Variants in CYP2C19 observed in about 807,000 individuals in gnomAD.
CYP2C19 encodes the protein cytochrome P450 2C19.
Under a neutral mutation model 40.9 loss-of-function variants are expected in CYP2C19, and 59 were observed. The ratio of observed to expected loss-of-function variants is 1.44; its 90% CI spans 1.17 to 1.79. The LOEUF is 1.79. Ranked by LOEUF, CYP2C19 falls within the 40% of genes most tolerant of loss-of-function variation. The pLI, the probability that CYP2C19 is intolerant of heterozygous loss-of-function variation, is 0.00. For synonymous variants in CYP2C19, 253 were observed against 208.7 expected, an observed-to-expected ratio of 1.21 and a Z score of -1.83; for missense variants, 754 against 596.9, an observed-to-expected ratio of 1.26 and a Z score of -2.74.
intron 5 of CYP2C19, among the ~76,000 whole-genome samples, chr10:94,789,702 T>C (rs1848582212): frequency 6.6e-6 from 1 of 152,172 alleles, no homozygotes; most frequent in South Asian, 2.1e-4. Flanking sequence ...CATTGATCTA[T>C]ATATCCATTT....
At chr10:94,803,836 G>A (rs992397901) in intron 5 of CYP2C19, among the ~76,000 whole-genome samples, 8 of 152,196 alleles carry the variant, frequency 5.3e-5, no homozygotes, top group African/African-American at 1.9e-4. Context: ...TACAGGAAGG[G>A]GAGGGTGGCT....
chr10:94,847,496 A>G (rs920783261), intron 7 of CYP2C19, among the ~76,000 whole-genome samples: 2 of 152,128 alleles, frequency 1.3e-5, no homozygotes, highest in South Asian at 2.1e-4. Context: ...ATTTGGGTTG[A>G]TTCCAAGTCG....
chr10:94,777,421 C>A (rs946494731), intron 3 of CYP2C19, among the ~76,000 whole-genome samples: 3 of 152,046 alleles, frequency 2.0e-5, no homozygotes, highest in African/African-American at 7.2e-5. Context: ...GCTACAGTAG[C>A]CAAAACAGCA....
Position 94,840,943 on chromosome 10 carries a change from C to G in CYP2C19, c.962-1894C>G, listed in dbSNP as rs375695604. Among the ~76,000 whole-genome samples the G allele has an allele frequency of 5.3e-5, 8 of 152,366 alleles. No homozygotes were observed. The East Asian group carries it at 1.5e-3, about 29-fold the overall frequency. On this transcript the variant is annotated intron_variant, in intron 6 of 8. Coordinates refer to ENST00000371321, the MANE Select transcript of CYP2C19 (RefSeq NM_000769.4). ...CCTCCAGTTCTAAGGAAGGATAGGA[C>G]AGAACAGCTAGTGAAAGTGGTCCAA...
chr10:94,816,734 C>T (rs1304407385), intron 5 of CYP2C19, among the ~76,000 whole-genome samples: 2 of 128,532 alleles, frequency 1.6e-5, no homozygotes, highest in East Asian at 2.7e-4. Flanking sequence ...CCCCCTCCCC[C>T]CACCCCACAT....
intron 6 of CYP2C19, among the ~76,000 whole-genome samples, chr10:94,841,339 C>T (rs1849492131): frequency 1.3e-5 from 2 of 152,182 alleles, no homozygotes; most frequent in Admixed American, 1.3e-4. Flanking sequence ...AGGAGCACAG[C>T]AGACACCCTG....
chr10:94,793,714 T>C (rs1848642025), intron 5 of CYP2C19, among the ~76,000 whole-genome samples: 1 of 150,780 alleles, frequency 6.6e-6, no homozygotes, highest in Admixed American at 6.6e-5. Context: ...TGATCCTTCC[T>C]CTGGAAGCTT....
At chr10:94,832,193 G>C (rs1408648418) in intron 6 of CYP2C19, among the ~76,000 whole-genome samples, 1 of 152,134 alleles carries the variant, frequency 6.6e-6, no homozygotes, top group Non-Finnish European at 1.5e-5. Flanking sequence ...TGGTACCTGT[G>C]TTAGTCTGTT....
chr10:94,782,362 C>CT (rs1302972848), intron 5 of CYP2C19, among the ~76,000 whole-genome samples: 4 of 152,110 alleles, frequency 2.6e-5, no homozygotes, highest in Non-Finnish European at 5.9e-5. Flanking sequence ...TGAACAGACA[C>CT]TTTTCAAAAG....
chr10:94,791,235 G>A lies in CYP2C19; in HGVS notation c.819+9238G>A, dbSNP rs563106548. Among the ~76,000 whole-genome samples the A allele has an allele frequency of 3.1e-3, 476 of 152,060 alleles. 3 individuals carry two copies. Among genetic ancestry groups the A allele is most frequent in the African/African-American group, 0.011 (453 of 41,508 alleles). ...GATATCCCCTTTATCATTTTTTATT[G>A]TGTCTATTTGATTCTTCTCTATTTT... On this transcript the variant is annotated intron_variant, in intron 5 of 8. Coordinates refer to ENST00000371321, the MANE Select transcript of CYP2C19 (RefSeq NM_000769.4).
intron 5 of CYP2C19, among the ~76,000 whole-genome samples, chr10:94,818,071 G>A (rs1203839820): frequency 6.7e-6 from 1 of 149,282 alleles, no homozygotes; most frequent in South Asian, 2.1e-4. Flanking sequence ...TTTGTATAAG[G>A]TGTAAGGAAG....
intron 5 of CYP2C19, among the ~76,000 whole-genome samples, chr10:94,784,159 C>T (rs1024616553): frequency 5.3e-5 from 8 of 152,210 alleles, no homozygotes; most frequent in African/African-American, 1.9e-4. Context: ...GCATATGCAA[C>T]CTTTTATTTC....
chr10:94,806,111 C>T (rs774296961), intron 5 of CYP2C19, among the ~76,000 whole-genome samples: 1 of 147,618 alleles, frequency 6.8e-6, no homozygotes, highest in East Asian at 2.1e-4. Context: ...TCTATGAAAT[C>T]GAGTATGCTG....
At chr10:94,849,638 C>T (rs1286439847) in intron 7 of CYP2C19, among the ~76,000 whole-genome samples, 2 of 123,248 alleles carry the variant, frequency 1.6e-5, no homozygotes, top group Non-Finnish European at 3.3e-5. Flanking sequence ...CCCCTCCCCC[C>T]ACCCCACAAC....
At chr10:94,779,566 C>CTTTTCTTTTCT (rs762886433) in intron 3 of CYP2C19, among the ~76,000 whole-genome samples, 3,332 of 142,286 alleles carry the variant, frequency 0.023, 52 homozygotes, top group South Asian at 0.065. Context: ...CTTTTCTTTT[C>CTTTTCTTTTCT]TTTTTTTTTT....
intron 5 of CYP2C19, among the ~76,000 whole-genome samples, chr10:94,795,404 T>C (rs1848669202): frequency 6.6e-6 from 1 of 152,088 alleles, no homozygotes; most frequent in African/African-American, 2.4e-5. Context: ...AGTCTATCAT[T>C]GATGGACATT....
intron 5 of CYP2C19, among the ~76,000 whole-genome samples, chr10:94,806,343 G>T (rs1589361262): frequency 1.3e-5 from 2 of 152,034 alleles, no homozygotes; most frequent in African/African-American, 4.8e-5. Flanking sequence ...CTGGCTTTGT[G>T]AGTAATGTTA....
At chr10:94,793,228 TGCTGTTTATTCTAGTTA>T in intron 5 of CYP2C19, among the ~76,000 whole-genome samples, 1 of 152,228 alleles carries the variant, frequency 6.6e-6, no homozygotes, top group African/African-American at 2.4e-5. Flanking sequence ...GTCTTCCCTA[TGCTGTTTATTCTAGTTA>T]GCCATTCGTC....
intron 6 of CYP2C19, among the ~76,000 whole-genome samples, chr10:94,832,887 C>G (rs963338987): frequency 4.6e-5 from 7 of 152,040 alleles, no homozygotes; most frequent in African/African-American, 1.7e-4. Context: ...TTTTTCCAAT[C>G]CATGAACATG....
Sources: allele counts gnomAD v4.1 joint callset (sites outside exome capture counted in the v4.1 genomes callset), GRCh38; gene constraint gnomAD v4.1.1; transcripts MANE v1.5; gene names NCBI Gene and HGNC (gene_info 2026-07-23, HGNC 2026-07-21).